The following STX2 variants were observed in gnomAD, a reference collection of about 807,000 sequenced individuals.
The protein encoded by STX2 is syntaxin 2, also known as syntaxin-2.
STX2 carries 27 observed loss-of-function variants against 40.6 expected under a neutral mutation model. That is an observed-to-expected ratio of 0.66 (90% CI 0.49 to 0.92). The LOEUF (loss-of-function observed/expected upper bound fraction) is 0.92. Ranked by LOEUF, STX2 falls within the 40% of genes least tolerant of loss-of-function variation. The probability of loss-of-function intolerance (pLI) is 0.00; values close to 1 mark genes in which losing one functional copy is unlikely to be tolerated. For synonymous variants in STX2, 123 were observed against 119.1 expected, an observed-to-expected ratio of 1.03 and a Z score of -0.22; for missense variants, 328 against 366.1, an observed-to-expected ratio of 0.90 and a Z score of 0.85.
At chr12:130,798,283 G>C (rs1419246844) in intron 9 of STX2, 1 of 308,196 alleles carries the variant, frequency 3.2e-6, no homozygotes, top group African/African-American at 2.2e-5. Context: ...TGGGATTACA[G>C]GCGTGCCACC....
chr12:130,815,550 C>A (rs1106369), intron 3 of STX2, among the ~76,000 whole-genome samples: 74,803 of 152,162 alleles, frequency 0.49, 20,480 homozygotes, highest in East Asian at 0.87. Context: ...GCCCTGTTTT[C>A]ATCTGCATCG....
At chr12:130,805,399 G>A (rs1229538513) in intron 6 of STX2, among the ~76,000 whole-genome samples, 1 of 152,216 alleles carries the variant, frequency 6.6e-6, no homozygotes, top group East Asian at 1.9e-4. Flanking sequence ...AGAGCAGAAA[G>A]GGCCCAGGTG....
rs1485966396 is a variant in STX2, at chr12:130,839,114, C to A, written c.-15G>T. Reference sequence around the variant, plus strand: ...CGGTCCCGCATCCCCGCCGGCCGGGCAGCGCGCCCCGCCGCTCAAGCCTGT... The same window carrying A: ...CGGTCCCGCATCCCCGCCGGCCGGGAAGCGCGCCCCGCCGCTCAAGCCTGT... On this transcript the variant is annotated 5_prime_UTR_variant, in exon 1 of 11. Coordinates refer to ENST00000392373, the MANE Select transcript of STX2 (RefSeq NM_194356.4). The A allele has an allele frequency of 7.9e-7, 1 of 1,264,496 alleles. No homozygotes were observed. Among genetic ancestry groups the A allele is most frequent in the Non-Finnish European group, 1.0e-6 (1 of 1,004,534 alleles). 78.3% of individuals were successfully genotyped at this position (1,264,496 alleles called of 1,614,324 possible). A position where few individuals can be genotyped will look rare whatever the true frequency, so the allele number is the denominator to read the frequency against.
At chr12:130,808,189 G>A (rs376265708) in intron 5 of STX2, among the ~76,000 whole-genome samples, 6 of 152,132 alleles carry the variant, frequency 3.9e-5, no homozygotes, top group African/African-American at 7.2e-5. Context: ...ATCTGGGCAC[G>A]GGAGGAGTGC....
At chr12:130,838,656 C>T (rs886711511) in intron 1 of STX2, among the ~76,000 whole-genome samples, 7 of 152,204 alleles carry the variant, frequency 4.6e-5, no homozygotes, top group South Asian at 4.1e-4. Context: ...GCTGCGGGGA[C>T]CCCGTGGGGC....
At chr12:130,828,391 CTTTTT>C (rs35993256) in intron 1 of STX2, among the ~76,000 whole-genome samples, 1 of 106,524 alleles carries the variant, frequency 9.4e-6, no homozygotes, top group Non-Finnish European at 1.8e-5. Flanking sequence ...CCACACCCGG[CTTTTT>C]TTTTTTTTTT....
At position 130,808,561 on chromosome 12, in the gene STX2, G is replaced by A. The variant is rs1951526562; in HGVS notation, c.354+70C>T. 5 of 1,297,734 alleles carry A rather than the reference G, an allele frequency of 3.9e-6. No individual in the cohort carries two copies. In the Admixed American group the frequency reaches 6.0e-5, roughly 16 times the overall value. 80.4% of individuals were successfully genotyped at this position (1,297,734 alleles called of 1,614,324 possible). On this transcript the variant is annotated intron_variant, in intron 5 of 10. Coordinates refer to ENST00000392373, the MANE Select transcript of STX2 (RefSeq NM_194356.4). ...GACAGTAAAGATGAAATTATTCAGA[G>A]TCTGCAAGAAGAAAGTAAAAACACT...
chr12:130,809,231 C>T (rs1951555143), intron 4 of STX2, among the ~76,000 whole-genome samples: 1 of 152,056 alleles, frequency 6.6e-6, no homozygotes, highest in Non-Finnish European at 1.5e-5. Flanking sequence ...CATATATACA[C>T]AGATACACAC....
intron 1 of STX2, among the ~76,000 whole-genome samples, chr12:130,828,911 C>A (rs978557448): frequency 2.0e-5 from 3 of 151,226 alleles, no homozygotes; most frequent in South Asian, 2.1e-4. Flanking sequence ...AAATGGCAAT[C>A]AACCGACAAG....
chr12:130,793,565 C>T (rs1180947292), intron 10 of STX2, among the ~76,000 whole-genome samples: 1 of 152,224 alleles, frequency 6.6e-6, no homozygotes, highest in Non-Finnish European at 1.5e-5. Context: ...CTGTCAACTA[C>T]ATGGAGTCTA....
chr12:130,821,818 G>T, intron 2 of STX2, 30 bp from the exon 3 acceptor site: 1 of 1,456,502 alleles, frequency 6.9e-7, no homozygotes, highest in South Asian at 1.2e-5. Context: ...ATTACAGCAT[G>T]GCAAACTCAA....
intron 1 of STX2, among the ~76,000 whole-genome samples, chr12:130,835,449 T>C (rs1311872187): frequency 7.3e-6 from 1 of 136,172 alleles, no homozygotes; most frequent in Non-Finnish European, 1.6e-5. Flanking sequence ...GTGGTTTCTC[T>C]ATTCTTCACT....
At chr12:130,823,272 A>T (rs556364144) in intron 2 of STX2, among the ~76,000 whole-genome samples, 1 of 152,370 alleles carries the variant, frequency 6.6e-6, no homozygotes, top group Admixed American at 6.5e-5. Flanking sequence ...TGACTGCACC[A>T]CTACACTACA....
rs1394306776 is a variant in STX2, at chr12:130,801,177, G to T, written c.651C>A (p.Asp217Glu). Residue 217 changes from aspartate to glutamate, a missense_variant, in exon 8 of 11, where the codon GAC (aspartate) becomes GAA (glutamate). Asp to Glu is a conservative substitution (Grantham distance 45, BLOSUM62 2). Coordinates refer to ENST00000392373, the MANE Select transcript of STX2 (RefSeq NM_194356.4). ...SIRELHEMFM[D>E]MAMFVETQGE... is the part of the protein sequence containing the mutation. ...CCTGAGTCTCCACAAACATAGCCATGTCCATGAACATCTCATGCAACTCTC... is the reference window on the plus strand; with the variant it reads ...CCTGAGTCTCCACAAACATAGCCATTTCCATGAACATCTCATGCAACTCTC... 3.7e-6 allele frequency: 6 copies of T among 1,613,464 alleles called. No homozygotes were observed. In the Admixed American group the frequency reaches 5.0e-5, roughly 13 times the overall value.
At chr12:130,823,942 T>C (rs961946076) in intron 2 of STX2, among the ~76,000 whole-genome samples, 1 of 152,234 alleles carries the variant, frequency 6.6e-6, no homozygotes, top group East Asian at 1.9e-4. Flanking sequence ...AGAAACTCCA[T>C]CATTGTGCAG....
At chr12:130,803,678 A>C (rs1361857918) in intron 6 of STX2, among the ~76,000 whole-genome samples, 1 of 119,718 alleles carries the variant, frequency 8.4e-6, no homozygotes, top group Non-Finnish European at 1.7e-5. Flanking sequence ...AAAAAAAAAA[A>C]AAAAAAAAAA....
chr12:130,832,727 G>A lies in STX2; in HGVS notation c.31-5460C>T, dbSNP rs80228454. 8.9e-3 allele frequency among the ~76,000 whole-genome samples: 1,357 copies of A among 152,266 alleles called. 23 individuals are homozygous for A. The highest frequency in any genetic ancestry group is 0.031 in the African/African-American group (1,293 of 41,536). The stretch of plus-strand genomic sequence containing the variant: ...GACGAAGAGAAACCCTCAGGATCTC[G>A]CTCCAGCCAACCTCCTCAGCTCACT... On this transcript the variant is annotated intron_variant, in intron 1 of 10. Transcript: ENST00000392373.
intron 6 of STX2, among the ~76,000 whole-genome samples, chr12:130,802,335 C>G (rs962027309): frequency 6.6e-6 from 1 of 152,128 alleles, no homozygotes; most frequent in Non-Finnish European, 1.5e-5. Context: ...GTGGTGGGGA[C>G]TACACGCGTG....
rs150525665 is a variant in STX2 at position 130,801,245 on chromosome 12, C to T, written c.583G>A (p.Glu195Lys). 6.8e-6 allele frequency: 11 copies of T among 1,613,530 alleles called. No homozygotes were observed. Among genetic ancestry groups the T allele is most frequent in the African/African-American group, 5.3e-5 (4 of 74,914 alleles). ...TTCATGATGTCCTTGTGACGTGACT[C>T]GATTTCATTGAGAGCTTGTCTAGTA... ...QITRQALNEI[E>K]SRHKDIMKLE... Residue 195 changes from glutamate to lysine, a missense_variant, in exon 8 of 11, where the codon GAG becomes AAG. Transcript: ENST00000392373.
Sources: gnomAD v4.1 joint callset for allele counts (sites outside exome capture counted in the v4.1 genomes callset) on GRCh38, gnomAD v4.1.1 for gene constraint, MANE v1.5 for transcripts, NCBI Gene and HGNC (gene_info 2026-07-23, HGNC 2026-07-21) for gene names.